SYT1: variants seen among roughly 807,000 people sequenced by gnomAD.
SYT1 encodes synaptotagmin-1.
In SYT1, 8 loss-of-function variants were observed where a neutral mutation model predicts 44.8. The observed-to-expected ratio is 0.18, with a 90% CI of 0.10 to 0.32. The LOEUF (loss-of-function observed/expected upper bound fraction) is 0.32, where lower values mean the gene tolerates loss of function less well. SYT1 is among the 10% of genes least tolerant of loss of function. The probability of loss-of-function intolerance (pLI) is 1.00; values close to 1 mark genes in which losing one functional copy is unlikely to be tolerated. For synonymous variants in SYT1, 154 were observed against 188.8 expected, an observed-to-expected ratio of 0.82 and a Z score of 1.51; for missense variants, 286 against 509.3, an observed-to-expected ratio of 0.56 and a Z score of 4.22.
intron 2 of SYT1, among the ~76,000 whole-genome samples, chr12:79,022,683 T>C (rs1265986818): frequency 2.0e-5 from 3 of 151,550 alleles, no homozygotes; most frequent in African/African-American, 7.2e-5. Flanking sequence ...ATTATATTTT[T>C]ATTTTTTACT....
intron 2 of SYT1, among the ~76,000 whole-genome samples, chr12:79,009,403 C>T (rs769526896): frequency 3.3e-5 from 5 of 152,098 alleles, no homozygotes; most frequent in Non-Finnish European, 5.9e-5. Context: ...TTTCAGTCTT[C>T]CCTGACCTCA....
intron 3 of SYT1, among the ~76,000 whole-genome samples, chr12:79,117,680 T>C (rs1451335834): frequency 2.9e-5 from 2 of 69,634 alleles, no homozygotes; most frequent in East Asian, 8.6e-4. Flanking sequence ...TATATATATA[T>C]ATATATATAT....
At chr12:79,004,058 T>C (rs918449012) in intron 2 of SYT1, among the ~76,000 whole-genome samples, 4 of 151,866 alleles carry the variant, frequency 2.6e-5, no homozygotes, top group African/African-American at 9.7e-5. Flanking sequence ...CCCTCCTTTT[T>C]AAAAATCTAA....
chr12:79,143,679 CTTTT>C (rs545041694), intron 3 of SYT1, among the ~76,000 whole-genome samples: 3 of 152,166 alleles, frequency 2.0e-5, no homozygotes, highest in Admixed American at 6.5e-5. Flanking sequence ...TTAAAACATT[CTTTT>C]TTTAATTTTT....
chr12:79,217,681 T>A lies in SYT1; in HGVS notation c.162T>A (p.Ile54=). ...AGTTTATGAATGAGTTGCATAAAAT[T>A]CCATGTGAGTATTCTATATTAGTAC... ...KEKFMNELHK[I]PLPPWALIAI... is the part of the protein sequence containing the mutation. Residue 54 remains isoleucine (I), a synonymous_variant, in exon 4 of 11, where the codon ATT becomes ATA. Transcript: ENST00000261205. 1 of 1,611,960 alleles carries A rather than the reference T, an allele frequency of 6.2e-7. No homozygotes were observed. Among genetic ancestry groups the A allele is most frequent in the South Asian group, 1.1e-5 (1 of 90,850 alleles).
At chr12:79,405,735 A>G (rs1199527204) in intron 9 of SYT1, among the ~76,000 whole-genome samples, 1 of 152,026 alleles carries the variant, frequency 6.6e-6, no homozygotes, top group African/African-American at 2.4e-5. Flanking sequence ...TGGTTTGCCT[A>G]CTCTATGATG....
At chr12:79,157,095 G>A (rs1870645407) in intron 3 of SYT1, among the ~76,000 whole-genome samples, 1 of 152,152 alleles carries the variant, frequency 6.6e-6, no homozygotes, top group African/African-American at 2.4e-5. Context: ...TGCCTAGACT[G>A]ATCCTGGGTC....
At chr12:79,186,863 A>C (rs1209599736) in intron 3 of SYT1, among the ~76,000 whole-genome samples, 1 of 152,048 alleles carries the variant, frequency 6.6e-6, no homozygotes, top group African/African-American at 2.4e-5. Flanking sequence ...TAGTCACGTT[A>C]ATTATACTTA....
chr12:78,932,889 A>G (rs1156651265), intron 1 of SYT1, among the ~76,000 whole-genome samples: 1 of 152,206 alleles, frequency 6.6e-6, no homozygotes, highest in African/African-American at 2.4e-5. Flanking sequence ...ATAGGCGCAT[A>G]AATTCTTATA....
At chr12:78,883,639 A>G (rs186067818) in intron 1 of SYT1, among the ~76,000 whole-genome samples, 3 of 151,730 alleles carry the variant, frequency 2.0e-5, no homozygotes, top group African/African-American at 7.2e-5. Context: ...ATATATTCCA[A>G]TTTCTCTTTA....
chr12:78,951,128 T>C (rs1334689413), intron 1 of SYT1, among the ~76,000 whole-genome samples: 1 of 152,150 alleles, frequency 6.6e-6, no homozygotes, highest in African/African-American at 2.4e-5. Flanking sequence ...TCTCAGTATA[T>C]GGACTAAATC....
chr12:79,367,984 A>T (rs1229334729), intron 9 of SYT1, among the ~76,000 whole-genome samples: 12 of 151,874 alleles, frequency 7.9e-5, no homozygotes, highest in Admixed American at 7.9e-4. Flanking sequence ...TACATGTGCC[A>T]TGCTGGTGTG....
intron 8 of SYT1, among the ~76,000 whole-genome samples, chr12:79,339,809 C>T (rs75750600): frequency 0.08 from 12,229 of 152,210 alleles, 1,177 homozygotes; most frequent in African/African-American, 0.24. Context: ...TTAGGTCTAA[C>T]ATTTAAGTCT....
chr12:78,993,868 T>C (rs1297021324), intron 2 of SYT1, among the ~76,000 whole-genome samples: 1 of 152,214 alleles, frequency 6.6e-6, no homozygotes, highest in East Asian at 1.9e-4. Flanking sequence ...CTCATTCTCA[T>C]ACTTAACAAA....
intron 9 of SYT1, among the ~76,000 whole-genome samples, chr12:79,387,442 G>T (rs898601288): frequency 2.6e-5 from 4 of 152,104 alleles, no homozygotes; most frequent in Non-Finnish European, 5.9e-5. Context: ...ACTTGTCTGG[G>T]CATCAATCTC....
At chr12:79,039,340 T>C (rs1873355827) in intron 2 of SYT1, among the ~76,000 whole-genome samples, 1 of 151,960 alleles carries the variant, frequency 6.6e-6, no homozygotes, top group South Asian at 2.1e-4. Context: ...TACAAAAACA[T>C]AAAAGTATCA....
rs188901276 is a variant in SYT1 at position 79,355,455 on chromosome 12, C to T, written c.928+1836C>T. Among the ~76,000 whole-genome samples, 278 of 152,264 alleles carry T rather than the reference C, an allele frequency of 1.8e-3. 1 individual carries two copies. The highest frequency in any genetic ancestry group is 3.0e-3 in the Non-Finnish European group (207 of 68,028). ...TCCTCACAACCTGGGTTCACCCCTA[C>T]ATTTGAATTACCTGGAAGGAGTTTA... On this transcript the variant is annotated intron_variant, in intron 9 of 10. Coordinates refer to ENST00000261205, the MANE Select transcript of SYT1 (RefSeq NM_005639.3).
chr12:78,949,411 A>G (rs1186525232), intron 1 of SYT1, among the ~76,000 whole-genome samples: 1 of 151,772 alleles, frequency 6.6e-6, no homozygotes, highest in Non-Finnish European at 1.5e-5. Flanking sequence ...AAATATGTCT[A>G]CTGGTTTCAA....
At chr12:79,365,271 A>G (rs1228257730) in intron 9 of SYT1, among the ~76,000 whole-genome samples, 2 of 152,070 alleles carry the variant, frequency 1.3e-5, no homozygotes, top group African/African-American at 4.8e-5. Flanking sequence ...TATAATGGAG[A>G]TCCTTTGGGC....
Sources: gnomAD v4.1 joint callset for allele counts (sites outside exome capture counted in the v4.1 genomes callset) on GRCh38, gnomAD v4.1.1 for gene constraint, MANE v1.5 for transcripts, NCBI Gene and HGNC (gene_info 2026-07-23, HGNC 2026-07-21) for gene names.